The following SRPK2 variants were observed in gnomAD, a reference collection of about 807,000 sequenced individuals.
SRPK2 encodes the protein SRSF protein kinase 2.
A neutral mutation model predicts 90.8 loss-of-function variants in SRPK2; 21 were observed. The ratio of observed to expected loss-of-function variants is 0.23; its 90% CI spans 0.16 to 0.33. SRPK2 has a LOEUF of 0.33. SRPK2 is among the 10% of genes least tolerant of loss of function. SRPK2 has a pLI of 1.00. For missense variants in SRPK2, 620 were observed against 869.0 expected (o/e 0.71, Z 3.60); for synonymous variants, 288 against 311.1 (o/e 0.93, Z 0.78).
intron 2 of SRPK2, among the ~76,000 whole-genome samples, chr7:105,376,844 C>T (rs1462797957): frequency 9.6e-6 from 1 of 103,802 alleles, no homozygotes; most frequent in Non-Finnish European, 1.9e-5. Flanking sequence ...GCCCCCCCAC[C>T]CCCCTTTTTT....
At chr7:105,293,718 C>A (rs1223387488) in intron 2 of SRPK2, among the ~76,000 whole-genome samples, 1 of 152,104 alleles carries the variant, frequency 6.6e-6, no homozygotes, top group African/African-American at 2.4e-5. Context: ...CCATGCCTGG[C>A]CTCATTTCCA....
intron 2 of SRPK2, among the ~76,000 whole-genome samples, chr7:105,252,899 C>T (rs1270968317): frequency 3.3e-5 from 5 of 151,724 alleles, no homozygotes; most frequent in Non-Finnish European, 7.4e-5. Flanking sequence ...ACGCACCCCA[C>T]GTCTGGCTAA....
intron 2 of SRPK2, among the ~76,000 whole-genome samples, chr7:105,358,089 T>G (rs543871100): frequency 6.6e-6 from 1 of 152,050 alleles, no homozygotes; most frequent in South Asian, 2.1e-4. Flanking sequence ...TTGGGCGTGC[T>G]GGCATGTTCC....
rs1055794359 is a variant in SRPK2, at chr7:105,397,248, C to T, written n.153+1908G>A. 5.9e-5 allele frequency among the ~76,000 whole-genome samples: 9 copies of T among 151,886 alleles called. No individual in the cohort carries two copies. In the East Asian group the frequency reaches 7.8e-4, roughly 13 times the overall value. Reference sequence around the variant, plus strand: ...GGCCAGGATGGTCTCGATCTTTTGACGTCGTGATCCACCCGCCTCGGCCTA... The same window carrying T: ...GGCCAGGATGGTCTCGATCTTTTGATGTCGTGATCCACCCGCCTCGGCCTA... On this transcript the variant is annotated intron_variant and non_coding_transcript_variant, in intron 1 of 3. Coordinates refer to the SRPK2 transcript ENST00000462282.
upstream of SRPK2, among the ~76,000 whole-genome samples, chr7:105,394,356 T>C (rs1340636602): frequency 6.6e-6 from 1 of 152,138 alleles, no homozygotes; most frequent in Non-Finnish European, 1.5e-5. Context: ...TTGGCCAGGC[T>C]GGTCTCAAAC....
chr7:105,280,611 G>A (rs1807134244), intron 2 of SRPK2, among the ~76,000 whole-genome samples: 2 of 147,812 alleles, frequency 1.4e-5, no homozygotes, highest in South Asian at 4.3e-4. Flanking sequence ...TAAAATGATT[G>A]TGGGAGGCTA....
intron 2 of SRPK2, among the ~76,000 whole-genome samples, chr7:105,372,320 A>G (rs1052442355): frequency 2.0e-5 from 3 of 152,116 alleles, no homozygotes; most frequent in African/African-American, 7.2e-5. Flanking sequence ...GTGAATTGAA[A>G]AATATTTGTA....
intron 2 of SRPK2, among the ~76,000 whole-genome samples, chr7:105,365,487 CAAAA>C (rs374198950): frequency 2.9e-5 from 2 of 69,712 alleles, no homozygotes; most frequent in Non-Finnish European, 5.5e-5. Flanking sequence ...AATTCTGTCT[CAAAA>C]AAAAAAAAAA....
chr7:105,221,741 C>A (rs1249030166), intron 2 of SRPK2, among the ~76,000 whole-genome samples: 6 of 152,162 alleles, frequency 3.9e-5, no homozygotes, highest in Admixed American at 3.3e-4. Flanking sequence ...ACCCATCTTC[C>A]TTTTTAACAG....
intron 6 of SRPK2, among the ~76,000 whole-genome samples, chr7:105,163,242 G>A (rs373509602): frequency 2.6e-5 from 4 of 152,158 alleles, no homozygotes; most frequent in East Asian, 1.9e-4. Flanking sequence ...TGAGGCACTC[G>A]CAAGATAAGA....
intron 2 of SRPK2, among the ~76,000 whole-genome samples, chr7:105,263,193 C>T (rs1418223075): frequency 1.3e-5 from 2 of 151,918 alleles, no homozygotes; most frequent in East Asian, 1.9e-4. Context: ...CGTGGTGGCG[C>T]GGGCCTGTAA....
At chr7:105,176,147 C>G (rs954999812) in intron 3 of SRPK2, among the ~76,000 whole-genome samples, 1 of 152,048 alleles carries the variant, frequency 6.6e-6, no homozygotes, top group African/African-American at 2.4e-5. Context: ...GGGGTTTATT[C>G]CAGGAACACA....
chr7:105,312,971 GAATA>G (rs1811887601), intron 2 of SRPK2, among the ~76,000 whole-genome samples: 2 of 151,822 alleles, frequency 1.3e-5, no homozygotes, highest in South Asian at 4.2e-4. Context: ...TTCCAGAAAT[GAATA>G]AATAAATAAG....
chr7:105,115,301 T>C (rs1330741486), downstream of SRPK2: 1 of 152,194 alleles, frequency 6.6e-6, no homozygotes, highest in Non-Finnish European at 1.5e-5. Flanking sequence ...GGTAACTAGT[T>C]ATGTATGGTC....
At chr7:105,265,285 A>T (rs939026909) in intron 2 of SRPK2, among the ~76,000 whole-genome samples, 9 of 152,208 alleles carry the variant, frequency 5.9e-5, no homozygotes, top group Non-Finnish European at 1.3e-4. Flanking sequence ...ACAAATTTTT[A>T]AACTATAATA....
intron 1 of SRPK2, among the ~76,000 whole-genome samples, chr7:105,396,834 GA>G: frequency 7.9e-6 from 1 of 126,290 alleles, no homozygotes; most frequent in East Asian, 2.0e-4. Flanking sequence ...GAGAGAGAGA[GA>G]GAAAGAAATA....
chr7:105,194,698 T>C (rs1040954758), intron 3 of SRPK2, among the ~76,000 whole-genome samples: 1 of 152,216 alleles, frequency 6.6e-6, no homozygotes, highest in Non-Finnish European at 1.5e-5. Context: ...TGACTCTGAA[T>C]TTATACAAAA....
intron 2 of SRPK2, among the ~76,000 whole-genome samples, chr7:105,319,504 C>G (rs867989117): frequency 1.9e-3 from 10 of 5,302 alleles, no homozygotes; most frequent in East Asian, 0.01. Flanking sequence ...GCACTTGCGG[C>G]GGGGGGGGGG....
intron 2 of SRPK2, among the ~76,000 whole-genome samples, chr7:105,300,006 ATT>A (rs1484288682): frequency 6.6e-6 from 1 of 152,172 alleles, no homozygotes; most frequent in Non-Finnish European, 1.5e-5. Flanking sequence ...TATAATAAAT[ATT>A]TAACAGAGAA....
Sources: allele counts gnomAD v4.1 joint callset (sites outside exome capture counted in the v4.1 genomes callset), GRCh38; gene constraint gnomAD v4.1.1; transcripts MANE v1.5; gene names NCBI Gene and HGNC (gene_info 2026-07-23, HGNC 2026-07-21).